Variants in TAF3 observed in about 807,000 individuals in gnomAD.
TAF3 encodes the protein TATA-box binding protein associated factor 3, also known as transcription initiation factor TFIID subunit 3.
TAF3 carries 7 observed loss-of-function variants against 80.6 expected under a neutral mutation model. That is an observed-to-expected ratio of 0.09 (90% CI 0.05 to 0.16). The LOEUF is 0.16. TAF3 is among the 10% of genes least tolerant of loss of function. The probability of loss-of-function intolerance (pLI) is 1.00; values close to 1 mark genes in which losing one functional copy is unlikely to be tolerated. For synonymous variants in TAF3, 444 were observed against 446.1 expected (o/e 1.00, Z 0.06); for missense variants, 921 against 1,140.2 (o/e 0.81, Z 2.77).
chr10:7,935,727 C>T (rs1837912823), intron 2 of TAF3, among the ~76,000 whole-genome samples: 1 of 152,134 alleles, frequency 6.6e-6, no homozygotes, highest in Admixed American at 6.5e-5. Context: ...GGGAGAGGCC[C>T]TACAGGTCCA....
intron 2 of TAF3, among the ~76,000 whole-genome samples, chr10:7,902,490 C>T (rs1420715108): frequency 6.6e-6 from 1 of 152,112 alleles, no homozygotes; most frequent in African/African-American, 2.4e-5. Context: ...CCAATATTGA[C>T]TGCGTGTGGT....
intron 2 of TAF3, among the ~76,000 whole-genome samples, chr10:7,856,240 C>T (rs983512633): frequency 2.0e-5 from 3 of 152,094 alleles, no homozygotes; most frequent in African/African-American, 7.2e-5. Flanking sequence ...CTTTGGGAGG[C>T]CGAGGCGGGC....
rs557863624 is a variant in TAF3 at position 7,926,633 on chromosome 10, T to A, written c.410-37287T>A. On this transcript the variant is annotated intron_variant, in intron 2 of 6. Coordinates refer to ENST00000344293, the MANE Select transcript of TAF3 (RefSeq NM_031923.4). ...ATCTATAATAAGTTCTTTTAAAATC[T>A]GTATAATTACTCTGGTCAATTGAAA... Among the ~76,000 whole-genome samples the A allele has an allele frequency of 8.5e-5, 13 of 152,344 alleles. No individual in the cohort carries two copies. In the East Asian group the frequency reaches 2.5e-3, roughly 29 times the overall value.
chr10:8,009,347 C>G lies in TAF3; in HGVS notation c.2568+17C>G. 1.3e-6 allele frequency: 2 copies of G among 1,585,860 alleles called. No individual in the cohort carries two copies. Among genetic ancestry groups the G allele is most frequent in the African/African-American group, 1.4e-5 (1 of 72,630 alleles). ...ACCTACGTGGTGCGTACCTGCCGCC[C>G]GCGCGGTTAGCATGGAGACGTTTTC... On this transcript the variant is annotated intron_variant, in intron 5 of 6. Coordinates refer to ENST00000344293, the MANE Select transcript of TAF3 (RefSeq NM_031923.4). The surrounding 1 kb of genome is among the most constrained non-coding windows in gnomAD (Gnocchi z 4.1).
intron 4 of TAF3, among the ~76,000 whole-genome samples, chr10:7,986,382 GTTC>G (rs774750729): frequency 7.9e-5 from 12 of 152,100 alleles, no homozygotes; most frequent in African/African-American, 2.2e-4. Context: ...CGCCAGTGTG[GTTC>G]TTCTTCTTTT....
rs541114690 is a variant in TAF3, at chr10:8,010,862, C to T, written c.2568+1532C>T. ...GGCAGAGCTTGCAGTGAGCCAAGAT[C>T]GTACCACTGCTCTCTAGCCTGAGGG... is the stretch of plus-strand genomic sequence containing the variant. On this transcript the variant is annotated intron_variant, in intron 5 of 6. Coordinates refer to ENST00000344293, the MANE Select transcript of TAF3 (RefSeq NM_031923.4). Among the ~76,000 whole-genome samples the T allele has an allele frequency of 1.2e-4, 19 of 152,150 alleles. No homozygotes were observed. The East Asian group carries it at 3.5e-3, about 28-fold the overall frequency.
At chr10:7,860,164 T>C (rs1475049836) in intron 2 of TAF3, among the ~76,000 whole-genome samples, 1 of 151,522 alleles carries the variant, frequency 6.6e-6, no homozygotes, top group Admixed American at 6.6e-5. Flanking sequence ...CCCAGCTGCT[T>C]GGGAGGCTGA....
At chr10:7,915,097 C>T (rs536382929) in intron 2 of TAF3, among the ~76,000 whole-genome samples, 1 of 151,776 alleles carries the variant, frequency 6.6e-6, no homozygotes, top group South Asian at 2.1e-4. Context: ...CCTGCCACCA[C>T]GCCCAGCTAC....
At chr10:7,854,155 T>C (rs1837055894) in intron 2 of TAF3, among the ~76,000 whole-genome samples, 1 of 152,196 alleles carries the variant, frequency 6.6e-6, no homozygotes, top group African/African-American at 2.4e-5. Context: ...GAATGAGATA[T>C]TTGGAAATTG....
At chr10:7,888,061 A>T (rs968879837) in intron 2 of TAF3, among the ~76,000 whole-genome samples, 1 of 152,180 alleles carries the variant, frequency 6.6e-6, no homozygotes, top group Non-Finnish European at 1.5e-5. Context: ...CTCTGCAGCC[A>T]GCCGTCAACT....
Position 7,920,314 on chromosome 10 carries a change from GTGTGTGTGTGTGTGTGTA to G in TAF3, c.410-43587_410-43570del, listed in dbSNP as rs1312776718. On this transcript the variant is annotated intron_variant, in intron 2 of 6. Transcript: ENST00000344293. ...TTTAAACATACGTGTGTGTGTGTGT[GTGTGTGTGTGTGTGTGTA>G]TGTGTGTGTGTGTGTGTAAATGCTT... is the stretch of plus-strand genomic sequence containing the variant. 1.4e-3 allele frequency among the ~76,000 whole-genome samples: 48 copies of G among 33,900 alleles called. No homozygotes were observed. In the East Asian group the frequency reaches 0.032, roughly 23 times the overall value. The allele number at this position is 33,900 out of a possible 152,430, so 22.2% of individuals were successfully genotyped here. A position where few individuals can be genotyped will look rare whatever the true frequency, so the allele number is the denominator to read the frequency against.
chr10:7,982,006 T>G (rs1334952292), intron 4 of TAF3, among the ~76,000 whole-genome samples: 1 of 152,192 alleles, frequency 6.6e-6, no homozygotes, highest in African/African-American at 2.4e-5. Flanking sequence ...ACAAAAATAA[T>G]CATTTAAAAT....
intron 3 of TAF3, among the ~76,000 whole-genome samples, chr10:7,974,858 G>A (rs1184027068): frequency 1.3e-5 from 2 of 151,880 alleles, no homozygotes; most frequent in South Asian, 2.1e-4. Context: ...GGCGGATCAC[G>A]AGGTCAGGAG....
At chr10:7,930,820 T>G (rs1284546781) in intron 2 of TAF3, among the ~76,000 whole-genome samples, 1 of 152,002 alleles carries the variant, frequency 6.6e-6, no homozygotes, top group Non-Finnish European at 1.5e-5. Context: ...AGGATATTGC[T>G]ATCTATAATA....
rs1350031045 is a variant in TAF3, at chr10:7,838,910, T to TTTTTTTTTTTG, written c.409+14360_409+14361insGTTTTTTTTTT. On this transcript the variant is annotated intron_variant, in intron 2 of 6. Coordinates refer to ENST00000344293, the MANE Select transcript of TAF3 (RefSeq NM_031923.4). ...GAAGTTGTCTGGAGGCATTGCTTGT[T>TTTTTTTTTTTG]TTTTTTTTTTTTTGGTTTGTTTGTT... 3.7e-3 allele frequency among the ~76,000 whole-genome samples: 508 copies of TTTTTTTTTTTG among 138,514 alleles called. 8 individuals are homozygous for TTTTTTTTTTTG. The highest frequency in any genetic ancestry group is 6.1e-3 in the Non-Finnish European group (386 of 62,808). The allele number at this position is 138,514 out of a possible 152,430, so 90.9% of individuals were successfully genotyped here.
chr10:7,992,413 C>T (rs1304086450), intron 4 of TAF3, among the ~76,000 whole-genome samples: 1 of 152,120 alleles, frequency 6.6e-6, no homozygotes, highest in Non-Finnish European at 1.5e-5. Flanking sequence ...TTAATTCTCT[C>T]AGGAGCATAA....
At chr10:7,951,558 A>G (rs976999368) in intron 2 of TAF3, among the ~76,000 whole-genome samples, 3 of 152,114 alleles carry the variant, frequency 2.0e-5, no homozygotes, top group African/African-American at 7.2e-5. Context: ...CTTCTGTCAC[A>G]TTTGCCCATT....
chr10:7,970,282 A>T (rs1054399464), intron 3 of TAF3, among the ~76,000 whole-genome samples: 1 of 152,250 alleles, frequency 6.6e-6, no homozygotes, highest in African/African-American at 2.4e-5. Context: ...CTCGATAGTC[A>T]ACAGTGTTAG....
rs548815571 is a variant in TAF3, at chr10:7,909,238, C to G, written c.410-54682C>G. On this transcript the variant is annotated intron_variant, in intron 2 of 6. Coordinates refer to ENST00000344293, the MANE Select transcript of TAF3 (RefSeq NM_031923.4). The stretch of plus-strand genomic sequence containing the variant: ...CTTACTGGATCAGAGCCTCTGGGGC[C>G]CAGGCTCTGGGTTTCTGAGAGGGCT... 4.6e-5 allele frequency among the ~76,000 whole-genome samples: 7 copies of G among 152,290 alleles called. No individual in the cohort carries two copies. The South Asian group carries it at 1.5e-3, about 32-fold the overall frequency.
Sources: gnomAD v4.1 joint callset for allele counts (sites outside exome capture counted in the v4.1 genomes callset) on GRCh38, gnomAD v4.1.1 for gene constraint, Gnocchi (gnomAD v3.1) non-coding constraint, MANE v1.5 for transcripts, NCBI Gene and HGNC (gene_info 2026-07-23, HGNC 2026-07-21) for gene names.